PLCH2: variants seen among roughly 807,000 people sequenced by gnomAD.
PLCH2 encodes 1-phosphatidylinositol 4,5-bisphosphate phosphodiesterase eta-2.
Under a neutral mutation model 134.7 loss-of-function variants are expected in PLCH2, and 98 were observed. That is an observed-to-expected ratio of 0.73 (90% CI 0.62 to 0.86). The LOEUF is 0.86. Among genes scored for constraint, PLCH2 ranks in the 40% least tolerant of loss-of-function variants. The pLI is 0.00. For missense variants in PLCH2, 1,994 were observed against 1,986.6 expected (o/e 1.00, Z -0.07); for synonymous variants, 974 against 827.5 (o/e 1.18, Z -3.04).
chr1:2,439,630 C>A lies in PLCH2; in HGVS notation c.115+9001C>A, dbSNP rs565113046. The stretch of plus-strand genomic sequence containing the variant: ...AGCTGTGCCTCTCCGGGCTGTCTGT[C>A]CTCCATGGTGACCTCAGGCTGCAGA... On this transcript the variant is annotated intron_variant, in intron 2 of 3. Transcript: ENST00000609981. The surrounding 1 kb of genome is among the most constrained non-coding windows in gnomAD (Gnocchi z 4.7). Among the ~76,000 whole-genome samples, 16 of 152,324 alleles carry A rather than the reference C, an allele frequency of 1.1e-4. No homozygotes were observed. The highest frequency in any genetic ancestry group is 3.6e-4 in the African/African-American group (15 of 41,572).
intron 2 of PLCH2, among the ~76,000 whole-genome samples, chr1:2,432,672 C>T (rs1639124261): frequency 6.6e-6 from 1 of 152,194 alleles, no homozygotes; most frequent in African/African-American, 2.4e-5. Context: ...ACAGTGCACT[C>T]TCCAGGCTCT....
In PLCH2 at chr1:2,503,940, C is replaced by T. The variant is rs771427021; in HGVS notation, c.2978C>T (p.Thr993Met). Residue 993 changes from threonine (T) to methionine (M), a missense_variant, in exon 22 of 22, where the codon ACG becomes ATG. Around this residue, in one of 2 missense-constraint regions of PLCH2, gnomAD observed 900 missense variants for 752.3 expected, o/e 1.20. Coordinates refer to ENST00000378486, the MANE Select transcript of PLCH2 (RefSeq NM_014638.4). ...GSPRDTRPLS[T>M]QRPLPPLCSL... The stretch of plus-strand genomic sequence containing the variant: ...CCCACAGACACCCGCCCCCTCTCCA[C>T]GCAGCGGCCACTCCCCCCACTGTGC... 263 of 1,292,460 alleles carry T rather than the reference C, an allele frequency of 2.0e-4. No individual in the cohort carries two copies. The highest frequency in any genetic ancestry group is 2.7e-4 in the Non-Finnish European group (251 of 917,566). The allele number at this position is 1,292,460 out of a possible 1,614,324, so 80.1% of individuals were successfully genotyped here.
In PLCH2 at chr1:2,497,943, G is replaced by A. The variant is rs780532418; in HGVS notation, c.2224+334G>A. The A allele has an allele frequency of 2.1e-4, 69 of 323,214 alleles. 1 individual carries two copies. Among genetic ancestry groups the A allele is most frequent in the Middle Eastern group, 1.7e-3 (2 of 1,186 alleles). The allele number at this position is 323,214 out of a possible 1,614,324, so 20.0% of individuals were successfully genotyped here. On this transcript the variant is annotated intron_variant, in intron 16 of 21. Coordinates refer to ENST00000378486, the MANE Select transcript of PLCH2 (RefSeq NM_014638.4). ...CCAGCCCCCTGTGCCTGGCCCCTCTGTGGGTCTCAGGACCTGGGTCTGGGC... is the reference window on the plus strand; with the variant it reads ...CCAGCCCCCTGTGCCTGGCCCCTCTATGGGTCTCAGGACCTGGGTCTGGGC...
In PLCH2 at chr1:2,498,393, T is replaced by TCCCTCCCC. The variant is rs551086023; in HGVS notation, c.2225-128_2225-121dup. The TCCCTCCCC allele has an allele frequency of 6.6e-5, 70 of 1,053,548 alleles. No homozygotes were observed. In the African/African-American group the frequency reaches 9.8e-4, roughly 15 times the overall value. The allele number at this position is 1,053,548 out of a possible 1,614,324, so 65.3% of individuals were successfully genotyped here. A position where few individuals can be genotyped will look rare whatever the true frequency, so the allele number is the denominator to read the frequency against. Reference sequence around the variant, plus strand: ...GTGCCCCCCTGGACCACTGCCTCCCTCCCTCCCCCTGGCACCGGCTCCAGT... The same window carrying TCCCTCCCC: ...GTGCCCCCCTGGACCACTGCCTCCCTCCCTCCCCCCCTCCCCCTGGCACCGGCTCCAGT... On this transcript the variant is annotated intron_variant, in intron 16 of 21. Coordinates refer to ENST00000378486, the MANE Select transcript of PLCH2 (RefSeq NM_014638.4). The surrounding 1 kb of genome is among the most constrained non-coding windows in gnomAD (Gnocchi z 5.4).
intron 12 of PLCH2, 68 bp downstream of exon 12, chr1:2,495,016 T>G (rs1368241739): frequency 2.7e-6 from 3 of 1,093,280 alleles, no homozygotes; most frequent in Non-Finnish European, 4.0e-6. Context: ...CAGTGCCCCG[T>G]GTCCTCCCTG....
intron 1 of PLCH2, 142 bp downstream of exon 1, chr1:2,476,854 A>T: frequency 1.1e-6 from 1 of 910,986 alleles, no homozygotes; most frequent in Non-Finnish European, 1.6e-6. Flanking sequence ...CGGGTGCTCT[A>T]GGGATCATGT....
chr1:2,504,621 A>C lies in PLCH2; in HGVS notation c.3659A>C (p.Gln1220Pro), dbSNP rs1643435386. 2.5e-6 allele frequency: 4 copies of C among 1,612,584 alleles called. No homozygotes were observed. The highest frequency in any genetic ancestry group is 2.5e-6 in the Non-Finnish European group (3 of 1,179,810). Residue 1220 changes from glutamine to proline, a missense_variant, in exon 22 of 22, where the codon CAG becomes CCG. By Grantham distance (76) the Gln-to-Pro change is moderately conservative (BLOSUM62 -1). Around this residue, in one of 2 missense-constraint regions of PLCH2, gnomAD observed 900 missense variants for 752.3 expected, o/e 1.20. Transcript: ENST00000378486. The part of the protein sequence containing the change: ...GQRPPIPDEL[Q>P]PRSLAPRMAG... ...CGGCCTCCCATACCTGACGAACTGC[A>C]GCCCAGGTCCCTGGCCCCAAGGATG...
chr1:2,460,995 C>T (rs894282398), intron 2 of PLCH2, among the ~76,000 whole-genome samples: 14 of 152,320 alleles, frequency 9.2e-5, no homozygotes, highest in Middle Eastern at 6.8e-3. Context: ...TGCCCAGTGC[C>T]CCTCTCTGGG....
At chr1:2,443,384 G>A (rs1639775509) in intron 2 of PLCH2, among the ~76,000 whole-genome samples, 1 of 152,164 alleles carries the variant, frequency 6.6e-6, no homozygotes, top group African/African-American at 2.4e-5. Context: ...TAGTGTCGCC[G>A]GGGCCCCTGT....
At chr1:2,427,179 G>A (rs1238987469) in intron 1 of PLCH2, among the ~76,000 whole-genome samples, 2 of 152,226 alleles carry the variant, frequency 1.3e-5, no homozygotes, top group Non-Finnish European at 2.9e-5. Flanking sequence ...AGCGGGTGCC[G>A]GCGGCTAGGG....
intron 6 of PLCH2, 63 bp from the exon 7 acceptor site, chr1:2,487,109 CA>C: frequency 6.7e-7 from 1 of 1,501,290 alleles, no homozygotes; most frequent in Non-Finnish European, 9.0e-7. Flanking sequence ...GGCATGGGGG[CA>C]GGTGGTCATG....
chr1:2,429,162 G>A (rs1162930980), intron 1 of PLCH2, among the ~76,000 whole-genome samples: 1 of 152,166 alleles, frequency 6.6e-6, no homozygotes, highest in Non-Finnish European at 1.5e-5. Context: ...GGTCAAGGGT[G>A]GGGGTCCTAC....
chr1:2,423,008 T>G (rs1638595940), upstream of PLCH2, among the ~76,000 whole-genome samples: 1 of 152,206 alleles, frequency 6.6e-6, no homozygotes, highest in South Asian at 2.1e-4. Flanking sequence ...CACCCCGATC[T>G]CACGATAAAA....
At chr1:2,455,356 C>T (rs1640439046) in intron 2 of PLCH2, among the ~76,000 whole-genome samples, 3 of 152,170 alleles carry the variant, frequency 2.0e-5, no homozygotes, top group Non-Finnish European at 4.4e-5. Flanking sequence ...GGAGGACCCT[C>T]GGCCCTGCCA....
chr1:2,488,598 C>A (rs1642400785), intron 8 of PLCH2, among the ~76,000 whole-genome samples: 1 of 152,230 alleles, frequency 6.6e-6, no homozygotes, highest in South Asian at 2.1e-4. Context: ...TCATGGCTGC[C>A]TTTTGGTAAA....
upstream of PLCH2, among the ~76,000 whole-genome samples, chr1:2,464,457 G>A (rs1433392875): frequency 6.6e-6 from 1 of 152,248 alleles, no homozygotes; most frequent in Non-Finnish European, 1.5e-5. Context: ...CTGGGAGCCT[G>A]GAGCAACCCT....
chr1:2,445,628 G>A (rs2100540158), intron 2 of PLCH2, among the ~76,000 whole-genome samples: 1 of 152,166 alleles, frequency 6.6e-6, no homozygotes, highest in East Asian at 1.9e-4. Flanking sequence ...GACCAGGTAG[G>A]GACCCTGCCC....
upstream of PLCH2, among the ~76,000 whole-genome samples, chr1:2,424,958 C>T (rs1638706895): frequency 6.6e-6 from 1 of 152,058 alleles, no homozygotes; most frequent in Admixed American, 6.6e-5. Flanking sequence ...TGCACTCCAT[C>T]CTGGGCAACA....
chr1:2,491,481 C>T (rs1249993581), intron 11 of PLCH2, 146 bp downstream of exon 11: 6 of 804,824 alleles, frequency 7.5e-6, no homozygotes, highest in Non-Finnish European at 1.2e-5. Context: ...CCTCTGTACA[C>T]ACCTCCGCAC....
Sources: gnomAD v4.1 joint callset for allele counts (sites outside exome capture counted in the v4.1 genomes callset) on GRCh38, gnomAD v4.1.1 for gene constraint, gnomAD v4.1.1 regional missense constraint, Gnocchi (gnomAD v3.1) non-coding constraint, MANE v1.5 for transcripts, NCBI Gene and HGNC (gene_info 2026-07-23, HGNC 2026-07-21) for gene names.